The following UBL3 variants were observed in gnomAD, a reference collection of about 807,000 sequenced individuals.
UBL3 encodes the protein ubiquitin-like protein 3.
UBL3 carries 6 observed loss-of-function variants against 18.4 expected under a neutral mutation model. That is an observed-to-expected ratio of 0.33 (90% CI 0.18 to 0.64). The LOEUF (loss-of-function observed/expected upper bound fraction) is 0.64. UBL3 is among the 30% of genes least tolerant of loss of function. UBL3 has a pLI of 0.76. For synonymous variants in UBL3, 49 were observed against 46.6 expected (o/e 1.05, Z -0.21); for missense variants, 109 against 142.9 (o/e 0.76, Z 1.21).
intron 1 of UBL3, among the ~76,000 whole-genome samples, chr13:29,828,227 C>T (rs1164096301): frequency 6.6e-6 from 1 of 152,166 alleles, no homozygotes; most frequent in Non-Finnish European, 1.5e-5. Flanking sequence ...TGTTGGCCTG[C>T]ATTGCTAGGT....
At chr13:29,797,595 T>A (rs1210283363) in intron 1 of UBL3, among the ~76,000 whole-genome samples, 1 of 152,192 alleles carries the variant, frequency 6.6e-6, no homozygotes, top group Non-Finnish European at 1.5e-5. Flanking sequence ...ATACATTACC[T>A]ACATGCATTT....
chr13:29,818,764 C>A (rs1468520987), intron 1 of UBL3, among the ~76,000 whole-genome samples: 2 of 152,188 alleles, frequency 1.3e-5, no homozygotes, highest in African/African-American at 4.8e-5. Context: ...TCTAAGAATA[C>A]TGTCTCAGAC....
In UBL3 at chr13:29,850,418, C is replaced by A; in HGVS notation, c.-880G>T. 6.5e-6 allele frequency: 1 copy of A among 153,404 alleles called. No homozygotes were observed. 9.5% of individuals were successfully genotyped at this position (153,404 alleles called of 1,614,324 possible). On this transcript the variant is annotated 5_prime_UTR_variant, in exon 1 of 5. Transcript: ENST00000380680. ...CTCCCCTCCCCGGCCTCGCGAGCTCCGGGCGACGCCGACTTCGGCTGGTCC... is the reference window on the plus strand; with the variant it reads ...CTCCCCTCCCCGGCCTCGCGAGCTCAGGGCGACGCCGACTTCGGCTGGTCC...
Position 29,765,217 on chromosome 13 carries a change from A to G in UBL3, c.*2038T>C, listed in dbSNP as rs1876645274. On this transcript the variant is annotated 3_prime_UTR_variant, in exon 5 of 5. Transcript: ENST00000380680. The stretch of plus-strand genomic sequence containing the variant: ...TTAACTTAAAAAAAGAGTAATCAGA[A>G]TGAAAATAGGTATTAAAAATAATTA... 6.6e-6 allele frequency: 1 copy of G among 152,198 alleles called. No homozygotes were observed. The highest frequency in any genetic ancestry group is 2.1e-4 in the South Asian group (1 of 4,830). 9.4% of individuals were successfully genotyped at this position (152,198 alleles called of 1,614,324 possible).
chr13:29,793,200 C>T (rs1275900592), intron 1 of UBL3, among the ~76,000 whole-genome samples: 1 of 152,048 alleles, frequency 6.6e-6, no homozygotes, highest in Non-Finnish European at 1.5e-5. Context: ...AGGAAAAGAA[C>T]AGATAAACTC....
At chr13:29,822,625 A>G (rs989202349) in intron 1 of UBL3, among the ~76,000 whole-genome samples, 1 of 152,190 alleles carries the variant, frequency 6.6e-6, no homozygotes, top group Non-Finnish European at 1.5e-5. Context: ...GCAGTCTCAA[A>G]CTACTGGGCT....
intron 1 of UBL3, among the ~76,000 whole-genome samples, chr13:29,778,097 T>C (rs1198720878): frequency 6.6e-6 from 1 of 152,156 alleles, no homozygotes; most frequent in Non-Finnish European, 1.5e-5. Flanking sequence ...AACTTTATCA[T>C]GGTTAAAGAA....
At chr13:29,812,883 T>C (rs530640085) in intron 1 of UBL3, among the ~76,000 whole-genome samples, 12 of 152,180 alleles carry the variant, frequency 7.9e-5, no homozygotes, top group Admixed American at 6.5e-4. Flanking sequence ...ATTTTGGATA[T>C]ATCAAGTGAA....
intron 1 of UBL3, among the ~76,000 whole-genome samples, chr13:29,845,067 T>C (rs1282499075): frequency 1.3e-5 from 2 of 152,116 alleles, no homozygotes; most frequent in South Asian, 2.1e-4. Flanking sequence ...AGAAATTTGA[T>C]ACCTGTGTAA....
At chr13:29,780,298 G>A (rs1169800961) in intron 1 of UBL3, among the ~76,000 whole-genome samples, 3 of 139,166 alleles carry the variant, frequency 2.2e-5, no homozygotes, top group Non-Finnish European at 4.5e-5. Context: ...AGCTTGCAGT[G>A]AGCCAAGATT....
At chr13:29,802,735 C>A (rs1877804437) in intron 1 of UBL3, among the ~76,000 whole-genome samples, 1 of 152,044 alleles carries the variant, frequency 6.6e-6, no homozygotes, top group Non-Finnish European at 1.5e-5. Context: ...TTGCTGAACT[C>A]AGTCAGACAA....
intron 1 of UBL3, among the ~76,000 whole-genome samples, chr13:29,817,618 C>T: frequency 6.6e-6 from 1 of 152,214 alleles, no homozygotes; most frequent in East Asian, 1.9e-4. Flanking sequence ...TAATCCAACT[C>T]TAAAAGCAAA....
chr13:29,846,166 CATAA>C (rs564745654), intron 1 of UBL3, among the ~76,000 whole-genome samples: 16 of 152,080 alleles, frequency 1.1e-4, no homozygotes, highest in African/African-American at 3.9e-4. Context: ...TTGGCTGCAA[CATAA>C]ATAAATAAAT....
intron 3 of UBL3, 61 bp downstream of exon 3, chr13:29,772,051 A>C (rs2234416): frequency 0.28 from 396,901 of 1,416,444 alleles, 56,757 homozygotes; most frequent in East Asian, 0.39. Context: ...TAACATTTAA[A>C]ACAAGCGAAT....
intron 1 of UBL3, among the ~76,000 whole-genome samples, chr13:29,845,885 T>C (rs778817632): frequency 1.3e-4 from 20 of 152,244 alleles, no homozygotes; most frequent in Non-Finnish European, 2.8e-4. Context: ...AATTTCTCTC[T>C]TAAAGTTTTC....
intron 1 of UBL3, among the ~76,000 whole-genome samples, chr13:29,841,287 C>T (rs977679196): frequency 2.0e-5 from 3 of 149,866 alleles, no homozygotes; most frequent in Non-Finnish European, 3.0e-5. Flanking sequence ...TCTCTCTCTA[C>T]ATATATATAT....
intron 1 of UBL3, among the ~76,000 whole-genome samples, chr13:29,807,227 C>T (rs1481898532): frequency 2.6e-5 from 4 of 152,140 alleles, no homozygotes; most frequent in Non-Finnish European, 5.9e-5. Flanking sequence ...CCAGTTCTTG[C>T]TACTTCTTGT....
chr13:29,834,783 A>G (rs1878875858), intron 1 of UBL3, among the ~76,000 whole-genome samples: 1 of 152,152 alleles, frequency 6.6e-6, no homozygotes, highest in East Asian at 1.9e-4. Context: ...AAAAAGTTAG[A>G]AAAGTAAAAA....
chr13:29,837,862 G>A (rs1246525370), intron 1 of UBL3, among the ~76,000 whole-genome samples: 9 of 151,254 alleles, frequency 6.0e-5, no homozygotes, highest in East Asian at 3.9e-4. Context: ...CCCAGGAGGC[G>A]GAGGTTGCAG....
Sources: gnomAD v4.1 joint callset for allele counts (sites outside exome capture counted in the v4.1 genomes callset) on GRCh38, gnomAD v4.1.1 for gene constraint, MANE v1.5 for transcripts, NCBI Gene and HGNC (gene_info 2026-07-23, HGNC 2026-07-21) for gene names.